Variants in ANOS1 observed in about 807,000 individuals in gnomAD.
The protein encoded by ANOS1 is anosmin-1.
ANOS1 carries 6 observed loss-of-function variants against 59.0 expected under a neutral mutation model. That is an observed-to-expected ratio of 0.10 (90% CI 0.06 to 0.20). The LOEUF is 0.20. Among genes scored for constraint, ANOS1 ranks in the 10% least tolerant of loss-of-function variants. The probability of loss-of-function intolerance (pLI) is 1.00; values close to 1 mark genes in which losing one functional copy is unlikely to be tolerated. For missense variants in ANOS1, 433 were observed against 542.3 expected, an observed-to-expected ratio of 0.80 and a Z score of 2.00; for synonymous variants, 217 against 223.4, an observed-to-expected ratio of 0.97 and a Z score of 0.25.
intron 2 of ANOS1, among the ~76,000 whole-genome samples, chrX:8,683,494 T>G (rs954695125): frequency 1.8e-5 from 2 of 110,813 alleles, no homozygotes; most frequent in African/African-American, 6.6e-5. Flanking sequence ...CACATCAATG[T>G]CAAGGATTTA....
chrX:8,567,150 T>C (rs769629945), intron 8 of ANOS1, among the ~76,000 whole-genome samples: 4 of 112,412 alleles, frequency 3.6e-5, no homozygotes, highest in Non-Finnish European at 7.5e-5. Context: ...AAACATCAAG[T>C]AACTTATTCT....
At chrX:8,716,682 C>T (rs1353560549) in intron 1 of ANOS1, among the ~76,000 whole-genome samples, 2 of 111,591 alleles carry the variant, frequency 1.8e-5, no homozygotes, top group Non-Finnish European at 3.8e-5. Flanking sequence ...CTGTGCACCC[C>T]AGTTCCCTGA....
chrX:8,554,542 G>GTTTTGTTTTT (rs1929911767), intron 8 of ANOS1, among the ~76,000 whole-genome samples: 8 of 50,830 alleles, frequency 1.6e-4, no homozygotes, highest in African/African-American at 5.8e-4. Context: ...GGCTACAGGA[G>GTTTTGTTTTT]TTTTTTTTTT....
chrX:8,689,780 A>G (rs888326089), intron 2 of ANOS1, among the ~76,000 whole-genome samples: 3 of 109,836 alleles, frequency 2.7e-5, no homozygotes, highest in Non-Finnish European at 5.7e-5. Flanking sequence ...AAAAACAAAA[A>G]AAAAAAAGAG....
At chrX:8,714,452 C>T (rs1361259181) in intron 1 of ANOS1, among the ~76,000 whole-genome samples, 2 of 110,689 alleles carry the variant, frequency 1.8e-5, no homozygotes, top group African/African-American at 3.3e-5. Context: ...GATATGCTTC[C>T]GGATAACATG....
intron 2 of ANOS1, among the ~76,000 whole-genome samples, chrX:8,624,011 CTTTT>C (rs566769185): frequency 0.29 from 19,811 of 68,443 alleles, 1,973 homozygotes; most frequent in Middle Eastern, 0.44. Context: ...CTTTTCTTTT[CTTTT>C]TTTTTTTTTT....
intron 2 of ANOS1, among the ~76,000 whole-genome samples, chrX:8,669,851 T>C (rs1602016255): frequency 9.0e-6 from 1 of 111,458 alleles, no homozygotes; most frequent in South Asian, 3.8e-4. Context: ...TAGAATCCTA[T>C]ATAGAAGTTT....
intron 3 of ANOS1, among the ~76,000 whole-genome samples, chrX:8,622,104 T>C (rs549906478): frequency 1.8e-5 from 2 of 111,177 alleles, no homozygotes; most frequent in African/African-American, 6.5e-5. Flanking sequence ...CCCCTGGTGA[T>C]TGGCCAAGCG....
chrX:8,689,054 A>G (rs1419307797), intron 2 of ANOS1, among the ~76,000 whole-genome samples: 1 of 111,657 alleles, frequency 9.0e-6, no homozygotes, highest in East Asian at 2.8e-4. Context: ...GGAAGTTTGC[A>G]GCAAATCTCT....
Position 8,647,087 on chromosome X carries a change from G to C in ANOS1, c.256-23417C>G, listed in dbSNP as rs1931772959. Among the ~76,000 whole-genome samples, 3 of 110,531 alleles carry C rather than the reference G, an allele frequency of 2.7e-5. No homozygotes were observed. In the Admixed American group the frequency reaches 2.9e-4, roughly 11 times the overall value. On this transcript the variant is annotated intron_variant, in intron 2 of 13. Transcript: ENST00000262648. ...AAGGCAGAAATGTACTATTCATCTTGTATAGGCAGGGTGTCTCAGCCTCCA... is the reference window on the plus strand; with the variant it reads ...AAGGCAGAAATGTACTATTCATCTTCTATAGGCAGGGTGTCTCAGCCTCCA...
intron 8 of ANOS1, among the ~76,000 whole-genome samples, chrX:8,564,625 A>G (rs1004774124): frequency 8.9e-6 from 1 of 112,163 alleles, no homozygotes; most frequent in Non-Finnish European, 1.9e-5. Flanking sequence ...CAGGTATCTG[A>G]GTTGGGGAGG....
intron 2 of ANOS1, among the ~76,000 whole-genome samples, chrX:8,681,446 C>T (rs1320475699): frequency 1.8e-5 from 2 of 112,082 alleles, no homozygotes; most frequent in Non-Finnish European, 3.8e-5. Flanking sequence ...AATATAGTTA[C>T]ATCTCGTTTG....
In ANOS1 at chrX:8,581,932, AAAC is replaced by A. The variant is rs761261503; in HGVS notation, c.856+3332_856+3334del. On this transcript the variant is annotated intron_variant, in intron 6 of 13. Transcript: ENST00000262648. ...CCTTACTGAGAAAATTTAAAGGTAG[AAAC>A]AACAACACAACATTTTCTGTCTTTA... Among the ~76,000 whole-genome samples, 401 of 112,377 alleles carry A rather than the reference AAAC, an allele frequency of 3.6e-3. 1 individual carries two copies. Among genetic ancestry groups the A allele is most frequent in the African/African-American group, 0.013 (388 of 30,940 alleles).
intron 8 of ANOS1, among the ~76,000 whole-genome samples, chrX:8,560,438 T>C (rs1319009815): frequency 1.8e-5 from 2 of 112,242 alleles, no homozygotes; most frequent in African/African-American, 6.5e-5. Context: ...GGTAAATGAT[T>C]TTGGTTTTGC....
intron 3 of ANOS1, among the ~76,000 whole-genome samples, chrX:8,614,619 T>G (rs1471138428): frequency 9.0e-6 from 1 of 111,496 alleles, no homozygotes; most frequent in African/African-American, 3.3e-5. Context: ...ATGTGTGTTA[T>G]CTTCAGATAC....
chrX:8,652,675 G>T (rs140699922), intron 2 of ANOS1, among the ~76,000 whole-genome samples: 1,130 of 110,838 alleles, frequency 0.01, 13 homozygotes, highest in African/African-American at 0.035. Flanking sequence ...CCATGGCAAG[G>T]TTGAGGAGTT....
chrX:8,561,455 A>C (rs916566028), intron 8 of ANOS1, among the ~76,000 whole-genome samples: 2 of 89,473 alleles, frequency 2.2e-5, no homozygotes, highest in Non-Finnish European at 4.3e-5. Flanking sequence ...GCTCACCACC[A>C]TGCCCGGCTA....
intron 2 of ANOS1, among the ~76,000 whole-genome samples, chrX:8,697,537 T>G (rs1301546673): frequency 1.8e-5 from 2 of 110,669 alleles, no homozygotes; most frequent in Non-Finnish European, 1.9e-5. Context: ...GTGGGAAGAG[T>G]GGTTAGATGA....
intron 2 of ANOS1, among the ~76,000 whole-genome samples, chrX:8,664,038 G>GA (rs1284646415): frequency 9.0e-6 from 1 of 111,057 alleles, no homozygotes; most frequent in East Asian, 2.9e-4. Flanking sequence ...ACACACTGGG[G>GA]CCTGTCAAAG....
Sources: allele counts gnomAD v4.1 joint callset (sites outside exome capture counted in the v4.1 genomes callset), GRCh38; gene constraint gnomAD v4.1.1; transcripts MANE v1.5; gene names NCBI Gene and HGNC (gene_info 2026-07-23, HGNC 2026-07-21).